The following CCSER1 variants were observed in gnomAD, a reference collection of about 807,000 sequenced individuals.
CCSER1 encodes the protein serine-rich coiled-coil domain-containing protein 1.
Under a neutral mutation model 82.0 loss-of-function variants are expected in CCSER1, and 41 were observed. The observed-to-expected ratio is 0.50, with a 90% CI of 0.39 to 0.65. The LOEUF (loss-of-function observed/expected upper bound fraction) is 0.65, where lower values mean the gene tolerates loss of function less well. CCSER1 is among the 30% of genes least tolerant of loss of function. The pLI is 0.00. For synonymous variants in CCSER1, 414 were observed against 383.9 expected (o/e 1.08, Z -0.92); for missense variants, 1,119 against 1,064.2 (o/e 1.05, Z -0.72).
At chr4:90,593,991 A>G (rs1421708242) in intron 5 of CCSER1, among the ~76,000 whole-genome samples, 1 of 151,992 alleles carries the variant, frequency 6.6e-6, no homozygotes, top group Non-Finnish European at 1.5e-5. Context: ...AATTAAATAT[A>G]TATGCAGGCC....
intron 10 of CCSER1, among the ~76,000 whole-genome samples, chr4:91,480,429 A>G (rs1223517763): frequency 4.6e-5 from 7 of 152,000 alleles, no homozygotes; most frequent in South Asian, 4.1e-4. Flanking sequence ...TTTAATGATC[A>G]CCATTCTAAC....
At chr4:90,194,442 C>G (rs761961172) in intron 1 of CCSER1, among the ~76,000 whole-genome samples, 60 of 151,980 alleles carry the variant, frequency 3.9e-4, no homozygotes, top group Non-Finnish European at 8.1e-4. Flanking sequence ...TAGGTACACT[C>G]TGTCTTATAT....
intron 7 of CCSER1, among the ~76,000 whole-genome samples, chr4:90,732,587 AG>A (rs368863835): frequency 5.3e-5 from 8 of 152,308 alleles, no homozygotes; most frequent in South Asian, 2.1e-4. Flanking sequence ...ACTTAGGGAC[AG>A]TGAGCCAATC....
chr4:90,559,866 C>A (rs531478601), intron 5 of CCSER1, among the ~76,000 whole-genome samples: 1 of 147,258 alleles, frequency 6.8e-6, no homozygotes, highest in East Asian at 2.0e-4. Context: ...TACCTGTAGT[C>A]CTACCTACTT....
intron 10 of CCSER1, among the ~76,000 whole-genome samples, chr4:91,432,006 A>C (rs966877872): frequency 2.0e-5 from 3 of 151,506 alleles, no homozygotes; most frequent in Admixed American, 2.0e-4. Flanking sequence ...CGAGGGAGGG[A>C]CCTGGTGGGA....
chr4:90,180,491 A>G (rs1164604626), intron 1 of CCSER1, among the ~76,000 whole-genome samples: 1 of 152,046 alleles, frequency 6.6e-6, no homozygotes, highest in East Asian at 1.9e-4. Flanking sequence ...CGGGAGGCTG[A>G]GGCAGGAGAA....
At chr4:90,879,016 A>G (rs936984193) in intron 8 of CCSER1, among the ~76,000 whole-genome samples, 1 of 152,140 alleles carries the variant, frequency 6.6e-6, no homozygotes, top group Admixed American at 6.6e-5. Context: ...ACTCTTCCAA[A>G]TATCCTCAAT....
chr4:90,286,923 G>A (rs1336067996), intron 1 of CCSER1, among the ~76,000 whole-genome samples: 1 of 151,944 alleles, frequency 6.6e-6, no homozygotes, highest in African/African-American at 2.4e-5. Context: ...GGCCTCAAGT[G>A]AATTAATCAT....
chr4:90,385,203 G>A (rs1749834422), intron 3 of CCSER1, among the ~76,000 whole-genome samples: 1 of 152,066 alleles, frequency 6.6e-6, no homozygotes, highest in Non-Finnish European at 1.5e-5. Flanking sequence ...AAGTGCAGGT[G>A]TCTTTTTGAC....
chr4:90,749,682 A>G (rs953926277), intron 7 of CCSER1, among the ~76,000 whole-genome samples: 3 of 152,094 alleles, frequency 2.0e-5, no homozygotes, highest in Non-Finnish European at 4.4e-5. Context: ...TTGTTAATCC[A>G]GTCTATCATT....
At chr4:91,007,629 T>C (rs2150493154) in intron 9 of CCSER1, among the ~76,000 whole-genome samples, 1 of 152,034 alleles carries the variant, frequency 6.6e-6, no homozygotes, top group Non-Finnish European at 1.5e-5. Flanking sequence ...TTGTCTTCTC[T>C]TTTTTCCTAG....
chr4:90,333,317 A>T (rs1287127174), intron 3 of CCSER1, among the ~76,000 whole-genome samples: 3 of 152,200 alleles, frequency 2.0e-5, no homozygotes, highest in African/African-American at 7.2e-5. Flanking sequence ...AAGACAAGAC[A>T]TAGACTCAAC....
chr4:91,322,292 T>A (rs570168345), intron 10 of CCSER1, among the ~76,000 whole-genome samples: 1 of 152,124 alleles, frequency 6.6e-6, no homozygotes. Context: ...TCAATTTAAT[T>A]TTTTCTTGTA....
At chr4:91,376,669 A>T (rs1232098961) in intron 10 of CCSER1, among the ~76,000 whole-genome samples, 1 of 152,166 alleles carries the variant, frequency 6.6e-6, no homozygotes, top group Non-Finnish European at 1.5e-5. Context: ...AAGTTTTTCC[A>T]TTAATGGGCA....
intron 10 of CCSER1, among the ~76,000 whole-genome samples, chr4:91,373,226 A>T (rs779270903): frequency 5.9e-5 from 9 of 152,036 alleles, no homozygotes; most frequent in Non-Finnish European, 1.3e-4. Context: ...GTTACAGATG[A>T]TACAGGATAT....
Position 90,468,222 on chromosome 4 carries a change from T to C in CCSER1, c.1604-12T>C. On this transcript the variant is annotated splice_polypyrimidine_tract_variant and intron_variant, in intron 4 of 10. Coordinates refer to ENST00000509176, the MANE Select transcript of CCSER1 (RefSeq NM_001145065.2). ...ATTTTGACATTTACAATTCCTCGGT[T>C]TTTTTGAACAGTTTGCCGGGAGGAC... The C allele has an allele frequency of 6.3e-7, 1 of 1,581,124 alleles. No homozygotes were observed. Among genetic ancestry groups the C allele is most frequent in the Non-Finnish European group, 8.6e-7 (1 of 1,163,572 alleles).
rs575960101 is a variant in CCSER1, at chr4:90,468,471, A to T, written c.1724+117A>T. The T allele has an allele frequency of 3.5e-4, 319 of 913,154 alleles. 1 individual carries two copies. In the African/African-American group the frequency reaches 4.7e-3, roughly 13 times the overall value. 56.6% of individuals were successfully genotyped at this position (913,154 alleles called of 1,614,324 possible). A position where few individuals can be genotyped will look rare whatever the true frequency, so the allele number is the denominator to read the frequency against. On this transcript the variant is annotated intron_variant, in intron 5 of 10. Transcript: ENST00000509176. The stretch of plus-strand genomic sequence containing the variant: ...TATAAAGAAAGAAGAAATAAATTTT[A>T]TGGGTTAAAAAATCATCTATTCTAT...
Position 90,599,377 on chromosome 4 carries a change from G to A in CCSER1, c.1725-28648G>A, listed in dbSNP as rs565547307. Among the ~76,000 whole-genome samples, 9 of 151,992 alleles carry A rather than the reference G, an allele frequency of 5.9e-5. No homozygotes were observed. In the South Asian group the frequency reaches 6.2e-4, roughly 11 times the overall value. On this transcript the variant is annotated intron_variant, in intron 5 of 10. Coordinates refer to ENST00000509176, the MANE Select transcript of CCSER1 (RefSeq NM_001145065.2). ...TTTCATTATTTTTCTCTCTCCTCTC[G>A]CCATGTAAGACGTGCCTTGCTTCCC... is the stretch of plus-strand genomic sequence containing the variant.
intron 6 of CCSER1, among the ~76,000 whole-genome samples, chr4:90,716,919 A>G (rs7699337): frequency 0.23 from 34,476 of 152,070 alleles, 4,930 homozygotes; most frequent in African/African-American, 0.4. Context: ...TGGATTATCA[A>G]TATACCAAAG....
Sources: gnomAD v4.1 joint callset for allele counts (sites outside exome capture counted in the v4.1 genomes callset) on GRCh38, gnomAD v4.1.1 for gene constraint, MANE v1.5 for transcripts, NCBI Gene and HGNC (gene_info 2026-07-23, HGNC 2026-07-21) for gene names.